TNFRSF10B: variants seen among roughly 807,000 people sequenced by gnomAD.
TNFRSF10B encodes tumor necrosis factor receptor superfamily member 10B.
TNFRSF10B carries 35 observed loss-of-function variants against 41.4 expected under a neutral mutation model. The ratio of observed to expected loss-of-function variants is 0.85; its 90% confidence interval spans 0.65 to 1.12. The LOEUF (loss-of-function observed/expected upper bound fraction) is 1.12, where lower values mean the gene tolerates loss of function less well. Among genes scored for constraint, TNFRSF10B ranks in the 50% most tolerant of loss-of-function variants. TNFRSF10B has a pLI of 0.00. For missense variants in TNFRSF10B, 584 were observed against 552.7 expected (o/e 1.06, Z -0.57); for synonymous variants, 230 against 215.5 (o/e 1.07, Z -0.59).
intron 1 of TNFRSF10B, among the ~76,000 whole-genome samples, chr8:23,051,401 T>C (rs1812515618): frequency 6.6e-6 from 1 of 152,338 alleles, no homozygotes; most frequent in Middle Eastern, 3.4e-3. Flanking sequence ...CCAAATATTA[T>C]AAGGTGTCAA....
At chr8:23,043,709 T>C (rs150547020) in intron 1 of TNFRSF10B, among the ~76,000 whole-genome samples, 177 of 152,318 alleles carry the variant, frequency 1.2e-3, no homozygotes, top group African/African-American at 4.0e-3. Flanking sequence ...GGATCAAACA[T>C]TAAATAGTGA....
chr8:23,030,054 C>G lies in TNFRSF10B; in HGVS notation c.365-333G>C, dbSNP rs570770682. ...CCTGAGAGACTGCAAGGAGAGGAGC[C>G]CTTGGGGGACTTCCCCAAGGCCCAG... On this transcript the variant is annotated intron_variant, in intron 3 of 8. Transcript: ENST00000276431. 3.9e-5 allele frequency among the ~76,000 whole-genome samples: 6 copies of G among 152,274 alleles called. No individual in the cohort carries two copies. In the South Asian group the frequency reaches 1.2e-3, roughly 32 times the overall value.
chr8:23,024,085 C>T (rs2128810848), intron 8 of TNFRSF10B, 103 bp downstream of exon 8: 3 of 1,448,754 alleles, frequency 2.1e-6, no homozygotes, highest in Middle Eastern at 1.8e-4. Context: ...CGGCTTCCAG[C>T]ATGGAATACT....
intron 1 of TNFRSF10B, among the ~76,000 whole-genome samples, chr8:23,063,084 C>T (rs1410691917): frequency 1.3e-5 from 2 of 152,218 alleles, no homozygotes; most frequent in East Asian, 1.9e-4. Flanking sequence ...CAAGGTGGCT[C>T]ATGCCTGTAA....
chr8:23,042,375 T>C (rs1467704720), intron 2 of TNFRSF10B, among the ~76,000 whole-genome samples: 1 of 152,192 alleles, frequency 6.6e-6, no homozygotes, highest in Non-Finnish European at 1.5e-5. Flanking sequence ...CTGGAAACCT[T>C]CATGCAGCAA....
chr8:23,036,168 C>T (rs899761918), intron 2 of TNFRSF10B, among the ~76,000 whole-genome samples: 7 of 152,198 alleles, frequency 4.6e-5, no homozygotes, highest in Non-Finnish European at 1.0e-4. Flanking sequence ...CCATAGGCCA[C>T]CAAATTACTC....
In TNFRSF10B at chr8:23,022,707, C is replaced by T. The variant is rs753189616; in HGVS notation, c.1287G>A (p.Met429Ile). Residue 429 changes from methionine (M) to isoleucine (I), a missense_variant, in exon 9 of 9, where the codon ATG becomes ATA. Coordinates refer to ENST00000276431, the MANE Select transcript of TNFRSF10B (RefSeq NM_003842.5). ...CAGAGTCTGCATTACCTTCTAGATA[C>T]ATGAACTTTCCAGAGCTCAACAAGT... ...EDHLLSSGKF[M>I]YLEGNADSAM... 8 of 1,614,056 alleles carry T rather than the reference C, an allele frequency of 5.0e-6. No individual in the cohort carries two copies. Among genetic ancestry groups the T allele is most frequent in the Non-Finnish European group, 6.8e-6 (8 of 1,180,016 alleles).
intron 2 of TNFRSF10B, among the ~76,000 whole-genome samples, chr8:23,040,084 G>A (rs576964045): frequency 6.6e-6 from 1 of 151,598 alleles, no homozygotes; most frequent in Non-Finnish European, 1.5e-5. Context: ...AGGAGGCTGA[G>A]GCAGGAAAAT....
intron 2 of TNFRSF10B, among the ~76,000 whole-genome samples, chr8:23,039,588 A>G (rs1812112830): frequency 6.6e-6 from 1 of 152,176 alleles, no homozygotes; most frequent in African/African-American, 2.4e-5. Flanking sequence ...ACAACAAAAC[A>G]ACAACAACAA....
chr8:23,064,339 A>AT (rs1812921757), intron 1 of TNFRSF10B, among the ~76,000 whole-genome samples: 1 of 152,220 alleles, frequency 6.6e-6, no homozygotes, highest in Non-Finnish European at 1.5e-5. Flanking sequence ...ATGATTACAA[A>AT]ATGTAGGAGA....
At chr8:23,063,617 C>A (rs545714621) in intron 1 of TNFRSF10B, among the ~76,000 whole-genome samples, 1 of 152,240 alleles carries the variant, frequency 6.6e-6, no homozygotes, top group South Asian at 2.1e-4. Flanking sequence ...CACCGGCCTG[C>A]GTTATCATCA....
chr8:23,023,125 C>A, intron 8 of TNFRSF10B, 141 bp from the exon 9 acceptor site: 2 of 1,090,616 alleles, frequency 1.8e-6, no homozygotes, highest in Non-Finnish European at 2.7e-6. Context: ...TGCCCACCCG[C>A]TTCCCATCCA....
chr8:23,044,509 G>A (rs753448542), intron 1 of TNFRSF10B, among the ~76,000 whole-genome samples: 2 of 152,014 alleles, frequency 1.3e-5, no homozygotes, highest in Admixed American at 6.6e-5. Flanking sequence ...AATGAACAAA[G>A]AACTTGAATG....
Position 23,058,636 on chromosome 8 carries a change from T to C in TNFRSF10B, c.144+10115A>G, listed in dbSNP as rs141732513. Among the ~76,000 whole-genome samples, 1,487 of 152,062 alleles carry C rather than the reference T, an allele frequency of 9.8e-3. 30 individuals carry two copies. Among genetic ancestry groups the C allele is most frequent in the African/African-American group, 0.034 (1,407 of 41,474 alleles). On this transcript the variant is annotated intron_variant, in intron 1 of 8. Coordinates refer to ENST00000276431, the MANE Select transcript of TNFRSF10B (RefSeq NM_003842.5). ...GAGTAGCTGGGACTACAGGCATGCA[T>C]CACAATGCCCAGCTAATTTTGTATT...
At chr8:23,046,897 T>A (rs1812380941) in intron 1 of TNFRSF10B, among the ~76,000 whole-genome samples, 1 of 152,072 alleles carries the variant, frequency 6.6e-6, no homozygotes, top group African/African-American at 2.4e-5. Context: ...AAGCTGGATA[T>A]CCATATGCAC....
chr8:23,030,660 G>A, intron 3 of TNFRSF10B, 99 bp downstream of exon 3: 4 of 870,612 alleles, frequency 4.6e-6, no homozygotes, highest in Non-Finnish European at 5.6e-6. Context: ...GAAGACCAAG[G>A]TGGACCAGAA....
chr8:23,045,884 A>G (rs1181436192), intron 1 of TNFRSF10B, among the ~76,000 whole-genome samples: 1 of 152,214 alleles, frequency 6.6e-6, no homozygotes, highest in East Asian at 1.9e-4. Flanking sequence ...ACAAAACACA[A>G]CATTCTTTCA....
rs1023400756 is a variant in TNFRSF10B, at chr8:23,028,034, G to C, written c.749-281C>G. The C allele has an allele frequency of 1.5e-5, 9 of 600,898 alleles. No homozygotes were observed. In the Admixed American group the frequency reaches 1.8e-4, roughly 12 times the overall value. 37.2% of individuals were successfully genotyped at this position (600,898 alleles called of 1,614,324 possible). A position where few individuals can be genotyped will look rare whatever the true frequency, so the allele number is the denominator to read the frequency against. On this transcript the variant is annotated intron_variant, in intron 5 of 8. Transcript: ENST00000276431. The stretch of plus-strand genomic sequence containing the variant: ...TTCTCATCCTCACCCTTGTCACCCA[G>C]TTGAGGAGCCGACTGCCCCCTGCCT...
intron 6 of TNFRSF10B, 79 bp downstream of exon 6, chr8:23,027,643 C>G: frequency 1.3e-6 from 2 of 1,597,200 alleles, no homozygotes; most frequent in Non-Finnish European, 1.7e-6. Context: ...ACAATGGGGA[C>G]CCACCCACCC....
Sources: allele counts gnomAD v4.1 joint callset (sites outside exome capture counted in the v4.1 genomes callset), GRCh38; gene constraint gnomAD v4.1.1; transcripts MANE v1.5; gene names NCBI Gene and HGNC (gene_info 2026-07-23, HGNC 2026-07-21).